The following CCHCR1 variants were observed in gnomAD, a reference collection of about 807,000 sequenced individuals.
CCHCR1 encodes coiled-coil alpha-helical rod protein 1.
In CCHCR1, 91 loss-of-function variants were observed where a neutral mutation model predicts 114.6. The ratio of observed to expected loss-of-function variants is 0.79; its 90% CI spans 0.67 to 0.94. The LOEUF is 0.94. CCHCR1 is among the 40% of genes least tolerant of loss of function. The pLI, the probability that CCHCR1 is intolerant of heterozygous loss-of-function variation, is 0.00. For missense variants in CCHCR1, 899 were observed against 1,079.9 expected, an observed-to-expected ratio of 0.83 and a Z score of 2.35; for synonymous variants, 379 against 428.5, an observed-to-expected ratio of 0.88 and a Z score of 1.43.
At chr6:31,157,193 G>T in intron 1 of CCHCR1, 104 bp from the exon 2 acceptor site, 1 of 1,084,934 alleles carries the variant, frequency 9.2e-7, no homozygotes, top group Non-Finnish European at 1.4e-6. Context: ...ATTATAGCCA[G>T]GTCCACCCGA....
At chr6:31,156,434 C>T (rs17197080) in intron 3 of CCHCR1, 21,848 of 441,260 alleles carry the variant, frequency 0.05, 877 homozygotes, top group Middle Eastern at 0.088. Flanking sequence ...TGCACTTCTT[C>T]ATCTTGCCTC....
Position 31,150,718 on chromosome 6 carries a change from C to T in CCHCR1, c.1101+7G>A. 1 of 1,611,598 alleles carries T rather than the reference C, an allele frequency of 6.2e-7. No individual in the cohort carries two copies. The highest frequency in any genetic ancestry group is 8.5e-7 in the Non-Finnish European group (1 of 1,179,174). ...GTCTGCACACAGATACATTCCTGCACCCTCACCTGCATGGTTTCCAGAAGC... is the reference window on the plus strand; with the variant it reads ...GTCTGCACACAGATACATTCCTGCATCCTCACCTGCATGGTTTCCAGAAGC... On this transcript the variant is annotated splice_region_variant and intron_variant, in intron 6 of 17. Transcript: ENST00000396268. This position sits in a 1 kb window ranked among gnomAD's most constrained non-coding sequence, Gnocchi z 5.3.
upstream of CCHCR1, chr6:31,157,974 C>G (rs886249906): frequency 9.8e-6 from 3 of 306,240 alleles, no homozygotes; most frequent in African/African-American, 6.5e-5. Context: ...CGGCTCTACT[C>G]TCCCACCACT....
intron 10 of CCHCR1, among the ~76,000 whole-genome samples, chr6:31,147,917 G>C (rs990603234): frequency 1.3e-5 from 2 of 152,120 alleles, no homozygotes; most frequent in African/African-American, 4.8e-5. Context: ...AGGTGAGGTT[G>C]CAGTGAGCCA....
Position 31,144,803 on chromosome 6 carries a change from CAG to C in CCHCR1, c.2066-17_2066-16del, listed in dbSNP as rs1561794008. 6.2e-7 allele frequency: 1 copy of C among 1,612,328 alleles called. No homozygotes were observed. Among genetic ancestry groups the C allele is most frequent in the Non-Finnish European group, 8.5e-7 (1 of 1,178,576 alleles). Reference sequence around the variant, plus strand: ...TTCTTGCAGGGCTGGGGTGAAAGTGCAGACGGGGCATATCAGCAGGAGCTTTG... The same window carrying C: ...TTCTTGCAGGGCTGGGGTGAAAGTGCACGGGGCATATCAGCAGGAGCTTTG... On this transcript the variant is annotated splice_polypyrimidine_tract_variant and intron_variant, in intron 14 of 17. Coordinates refer to ENST00000396268, the MANE Select transcript of CCHCR1 (RefSeq NM_001105564.2). This position sits in a 1 kb window ranked among gnomAD's most constrained non-coding sequence, Gnocchi z 4.6.
At chr6:31,152,347 T>C (rs982962781) in intron 4 of CCHCR1, among the ~76,000 whole-genome samples, 1 of 152,102 alleles carries the variant, frequency 6.6e-6, no homozygotes, top group African/African-American at 2.4e-5. Flanking sequence ...TTTTTTTGTT[T>C]GTTTTTTTGG....
chr6:31,142,620 G>A lies in CCHCR1; in HGVS notation c.2588C>T (p.Ser863Phe), dbSNP rs1319322803. 3 of 1,613,436 alleles carry A rather than the reference G, an allele frequency of 1.9e-6. No homozygotes were observed. Among genetic ancestry groups the A allele is most frequent in the East Asian group, 4.5e-5 (2 of 44,882 alleles). The stretch of plus-strand genomic sequence containing the variant: ...GCTGCTCATCTGGGGATTGGAGCTG[G>A]AGCATCTGTCAAGGTTGTCTCCTTG... ...VCQGDNLDRCSSSNPQMSS is the reference protein window; with the variant it reads ...VCQGDNLDRCFSSNPQMSS Residue 863 changes from serine to phenylalanine, a missense_variant, in exon 18 of 18, where the codon TCC becomes TTC. Ser to Phe is a radical substitution (Grantham distance 155). Coordinates refer to ENST00000396268, the MANE Select transcript of CCHCR1 (RefSeq NM_001105564.2).
In CCHCR1 at chr6:31,151,072, G is replaced by T; in HGVS notation, c.852C>A (p.Ser284Arg). The T allele has an allele frequency of 6.2e-7, 1 of 1,613,064 alleles. No individual in the cohort carries two copies. The highest frequency in any genetic ancestry group is 1.3e-5 in the African/African-American group (1 of 75,042). Residue 284 changes from serine (S) to arginine (R), a missense_variant, in exon 5 of 18, where the codon AGC (serine) becomes AGA (arginine). Ser to Arg is a moderately radical substitution (Grantham distance 110). Coordinates refer to ENST00000396268, the MANE Select transcript of CCHCR1 (RefSeq NM_001105564.2). This position sits in a 1 kb window ranked among gnomAD's most constrained non-coding sequence, Gnocchi z 4.1. ...AHEEALSSLTSKAEGLEKSLS... is the reference protein window; with the variant it reads ...AHEEALSSLTRKAEGLEKSLS... ...GAGACTTCTCCAAGCCCTCAGCCTT[G>T]CTGGTCAAACTGGAAAGAGCCTCCT...
chr6:31,158,068 G>A (rs745639338), upstream of CCHCR1: 25 of 175,874 alleles, frequency 1.4e-4, no homozygotes, highest in Non-Finnish European at 2.9e-4. Context: ...CCTTCACCTG[G>A]CCCCTGTACC....
Position 31,143,357 on chromosome 6 carries a change from C to T in CCHCR1, c.2224G>A (p.Glu742Lys), listed in dbSNP as rs748224886. 1 of 1,612,992 alleles carries T rather than the reference C, an allele frequency of 6.2e-7. No homozygotes were observed. Among genetic ancestry groups the T allele is most frequent in the South Asian group, 1.1e-5 (1 of 91,088 alleles). ...GCCTCCTCCTGCAGACGCCTGAGTT[C>T]CTGGCTCCGCTCCTTTTCCTGGGCG... ...RAAQEKERSQ[E>K]LRRLQEEARK... Residue 742 changes from glutamate (E) to lysine (K), a missense_variant, in exon 16 of 18, where the codon GAA (glutamate) becomes AAA (lysine). Transcript: ENST00000396268. This position sits in a 1 kb window ranked among gnomAD's most constrained non-coding sequence, Gnocchi z 5.3.
In CCHCR1 at chr6:31,150,339, A is replaced by G; in HGVS notation, c.1212+116T>C. The G allele has an allele frequency of 7.4e-7, 1 of 1,345,018 alleles. No homozygotes were observed. The highest frequency in any genetic ancestry group is 2.4e-5 in the East Asian group (1 of 42,420). The allele number at this position is 1,345,018 out of a possible 1,614,324, so 83.3% of individuals were successfully genotyped here. ...GCTACAGCAAGAGGAGTTCACAGGA[A>G]GGAGATCTAAGCAGGTTCTGGGGCA... On this transcript the variant is annotated intron_variant, in intron 7 of 17. Transcript: ENST00000396268. This position sits in a 1 kb window ranked among gnomAD's most constrained non-coding sequence, Gnocchi z 5.3.
In CCHCR1 at chr6:31,155,333, G is replaced by A. The variant is rs140388324; in HGVS notation, c.498-534C>T. Among the ~76,000 whole-genome samples the A allele has an allele frequency of 3.2e-3, 486 of 152,104 alleles. 2 individuals carry two copies. The highest frequency in any genetic ancestry group is 0.023 in the South Asian group (109 of 4,814). On this transcript the variant is annotated intron_variant, in intron 3 of 17. Transcript: ENST00000396268. ...TAAAAGGCATTTATTGGCTGGGCGC[G>A]GTGGCTCATGCCTGTAATCCCAGCA... is the stretch of plus-strand genomic sequence containing the variant.
intron 11 of CCHCR1, 45 bp from the exon 12 acceptor site, chr6:31,145,538 G>A: frequency 6.3e-7 from 1 of 1,589,806 alleles, no homozygotes; most frequent in Non-Finnish European, 8.6e-7. Flanking sequence ...AGTTTGCATG[G>A]GAGAAAGTGG....
chr6:31,157,341 T>C (rs1161491742), intron 1 of CCHCR1, 44 bp downstream of exon 1: 1 of 1,496,244 alleles, frequency 6.7e-7, no homozygotes, highest in Non-Finnish European at 9.3e-7. Flanking sequence ...AGAGGGGCTC[T>C]GAGGCTTTAC....
intron 10 of CCHCR1, among the ~76,000 whole-genome samples, chr6:31,147,627 G>C (rs1270171141): frequency 6.6e-6 from 1 of 152,186 alleles, no homozygotes; most frequent in East Asian, 1.9e-4. Flanking sequence ...AGATGGAATA[G>C]TAAGCAAGTT....
chr6:31,148,857 G>GGGGGGGGGGGC lies in CCHCR1; in HGVS notation c.1363-130_1363-129insGCCCCCCCCCC. ...CAGGGGCTGGGGGGAGGGGGGGCGG[G>GGGGGGGGGGGC]CGACGGGGGTGGGTTGCAGCACGGT... On this transcript the variant is annotated intron_variant, in intron 8 of 17. Coordinates refer to ENST00000396268, the MANE Select transcript of CCHCR1 (RefSeq NM_001105564.2). 2.4e-5 allele frequency: 2 copies of GGGGGGGGGGGC among 84,500 alleles called. 1 individual carries two copies. Among genetic ancestry groups the GGGGGGGGGGGC allele is most frequent in the Non-Finnish European group, 4.8e-5 (2 of 41,540 alleles). 5.2% of individuals were successfully genotyped at this position (84,500 alleles called of 1,614,324 possible).
Position 31,145,500 on chromosome 6 carries a change from G to GAA in CCHCR1, c.1694-8_1694-7insTT. The stretch of plus-strand genomic sequence containing the variant: ...AGCTTTCGAGCAATCAGGCCTGGAG[G>GAA]GGAAAAAGCAGGGAGAAAAAGAGAT... On this transcript the variant is annotated splice_polypyrimidine_tract_variant and splice_region_variant and intron_variant, in intron 11 of 17. Coordinates refer to ENST00000396268, the MANE Select transcript of CCHCR1 (RefSeq NM_001105564.2). The GAA allele has an allele frequency of 6.2e-7, 1 of 1,613,168 alleles. No individual in the cohort carries two copies. Among genetic ancestry groups the GAA allele is most frequent in the Non-Finnish European group, 8.5e-7 (1 of 1,179,738 alleles).
intron 9 of CCHCR1, 30 bp downstream of exon 9, chr6:31,148,562 GCCCCGGAACAGGGGCTCCCTTGCCCT>G: frequency 6.3e-7 from 1 of 1,593,970 alleles, no homozygotes; most frequent in Non-Finnish European, 8.6e-7. Flanking sequence ...CCTGGCTGCA[GCCCCGGAACAGGGGCTCCCTTGCCCT>G]CCCCGAGTCT....
chr6:31,152,005 C>T (rs1037843994), intron 4 of CCHCR1, among the ~76,000 whole-genome samples: 1 of 152,132 alleles, frequency 6.6e-6, no homozygotes, highest in Non-Finnish European at 1.5e-5. Flanking sequence ...CTGCTTAAAA[C>T]CTTTCAACAG....
Sources: gnomAD v4.1 joint callset for allele counts (sites outside exome capture counted in the v4.1 genomes callset) on GRCh38, gnomAD v4.1.1 for gene constraint, Gnocchi (gnomAD v3.1) non-coding constraint, MANE v1.5 for transcripts, NCBI Gene and HGNC (gene_info 2026-07-23, HGNC 2026-07-21) for gene names.